The following AFF1 variants were observed in gnomAD, a reference collection of about 807,000 sequenced individuals.
AFF1 encodes the protein AF4/FMR2 family member 1.
A neutral mutation model predicts 121.7 loss-of-function variants in AFF1; 48 were observed. The observed-to-expected ratio is 0.39, with a 90% CI of 0.31 to 0.50. The LOEUF is 0.50. AFF1 is among the 20% of genes least tolerant of loss of function. The probability of loss-of-function intolerance (pLI) is 0.76; values close to 1 mark genes in which losing one functional copy is unlikely to be tolerated. For missense variants in AFF1, 1,523 were observed against 1,511.7 expected, an observed-to-expected ratio of 1.01 and a Z score of -0.12; for synonymous variants, 613 against 563.0, an observed-to-expected ratio of 1.09 and a Z score of -1.26.
chr4:87,135,872 G>A lies in AFF1; in HGVS notation c.*171G>A, dbSNP rs2149808525. ...CTCAACAACAGTGTGATCATTGGTTGGACACTGTGGTTATGCAGAAGCAGA... is the reference window on the plus strand; with the variant it reads ...CTCAACAACAGTGTGATCATTGGTTAGACACTGTGGTTATGCAGAAGCAGA... On this transcript the variant is annotated 3_prime_UTR_variant, in exon 21 of 21. Coordinates refer to ENST00000395146, the MANE Select transcript of AFF1 (RefSeq NM_001166693.3). 1 of 1,060,318 alleles carries A rather than the reference G, an allele frequency of 9.4e-7. No individual in the cohort carries two copies. The highest frequency in any genetic ancestry group is 2.9e-5 in the East Asian group (1 of 35,018). 65.7% of individuals were successfully genotyped at this position (1,060,318 alleles called of 1,614,324 possible).
chr4:87,104,001 C>T (rs1725674188), intron 8 of AFF1, among the ~76,000 whole-genome samples: 1 of 152,188 alleles, frequency 6.6e-6, no homozygotes, highest in South Asian at 2.1e-4. Flanking sequence ...TTGTGTATAA[C>T]TCAGCCCAGC....
intron 2 of AFF1, among the ~76,000 whole-genome samples, chr4:87,042,756 C>A (rs1730287000): frequency 1.3e-5 from 2 of 152,298 alleles, no homozygotes; most frequent in South Asian, 4.1e-4. Flanking sequence ...AGGATTTCCT[C>A]CCTGTGGGAG....
chr4:87,068,257 G>GCCCCCCCCCCCC (rs70957204), intron 4 of AFF1, among the ~76,000 whole-genome samples: 12 of 120,126 alleles, frequency 1.0e-4, no homozygotes, highest in Admixed American at 1.8e-4. Context: ...CATGAAAATT[G>GCCCCCCCCCCCC]CCCCCCCCCC....
chr4:87,045,826 A>C (rs1730631689), intron 2 of AFF1, among the ~76,000 whole-genome samples: 1 of 152,090 alleles, frequency 6.6e-6, no homozygotes, highest in Non-Finnish European at 1.5e-5. Context: ...ATATTTTGCA[A>C]GCTGAAAATA....
intron 8 of AFF1, among the ~76,000 whole-genome samples, chr4:87,098,213 G>A (rs552422185): frequency 2.6e-5 from 4 of 152,306 alleles, no homozygotes; most frequent in East Asian, 1.9e-4. Flanking sequence ...GGGTAGCAAC[G>A]TGGTAGAAGG....
chr4:86,999,304 A>G (rs746005871), intron 2 of AFF1, among the ~76,000 whole-genome samples: 5 of 152,202 alleles, frequency 3.3e-5, no homozygotes, highest in Admixed American at 6.5e-5. Context: ...TTCCCAAGGA[A>G]GGAACTAACT....
intron 8 of AFF1, among the ~76,000 whole-genome samples, chr4:87,097,858 G>C (rs951318400): frequency 6.6e-6 from 1 of 152,208 alleles, no homozygotes. Flanking sequence ...GCAAATTGCA[G>C]TTGTTTCAGA....
intron 2 of AFF1, among the ~76,000 whole-genome samples, chr4:87,028,968 G>A (rs1728803071): frequency 6.6e-6 from 1 of 152,136 alleles, no homozygotes; most frequent in South Asian, 2.1e-4. Flanking sequence ...TTCATGGCCA[G>A]GGCTCTCAAA....
intron 2 of AFF1, among the ~76,000 whole-genome samples, chr4:86,980,274 T>G (rs1484077775): frequency 6.6e-6 from 1 of 152,190 alleles, no homozygotes; most frequent in Non-Finnish European, 1.5e-5. Flanking sequence ...AGTCTATTCA[T>G]TACAAACTAT....
intron 4 of AFF1, among the ~76,000 whole-genome samples, chr4:87,066,738 T>G (rs1721387963): frequency 6.6e-6 from 1 of 152,198 alleles, no homozygotes. Flanking sequence ...ATGGCTTGAC[T>G]TGAGGGGTAT....
intron 2 of AFF1, among the ~76,000 whole-genome samples, chr4:87,041,624 C>A (rs184862154): frequency 6.6e-6 from 1 of 152,014 alleles, no homozygotes; most frequent in African/African-American, 2.4e-5. Context: ...GAAAGAATGG[C>A]CAGGCTGATG....
chr4:87,046,431 G>C (rs1730702184), intron 3 of AFF1, 145 bp downstream of exon 3: 1 of 1,308,088 alleles, frequency 7.6e-7, no homozygotes, highest in Admixed American at 2.5e-5. Context: ...AGAGATTTTT[G>C]AAAACAAAGT....
chr4:87,131,852 T>G lies in AFF1; in HGVS notation c.3161T>G (p.Phe1054Cys). Residue 1054 changes from phenylalanine (F) to cysteine (C), a missense_variant, in exon 18 of 21, where the codon TTT (phenylalanine) becomes TGT (cysteine). By Grantham distance (205) the Phe-to-Cys change is radical. Around this residue, in one of 5 missense-constraint regions of AFF1, gnomAD observed 241 missense variants for 265.2 expected, o/e 0.91. Coordinates refer to ENST00000395146, the MANE Select transcript of AFF1 (RefSeq NM_001166693.3). ...DATAPTQEKIFAVLCMRCQSI... is the reference protein window; with the variant it reads ...DATAPTQEKICAVLCMRCQSI... ...ACAGCGCCAACACAAGAGAAAATAT[T>G]TGCTGTTTTATGGTGCGTATTTTCC... 1 of 1,589,426 alleles carries G rather than the reference T, an allele frequency of 6.3e-7. No individual in the cohort carries two copies. The highest frequency in any genetic ancestry group is 8.5e-7 in the Non-Finnish European group (1 of 1,173,292).
intron 4 of AFF1, among the ~76,000 whole-genome samples, chr4:87,071,076 T>C (rs1721992548): frequency 6.6e-6 from 1 of 152,238 alleles, no homozygotes. Context: ...TTTGGCTGTT[T>C]TTAGTAAGAA....
At chr4:86,999,482 T>C (rs531324107) in intron 2 of AFF1, among the ~76,000 whole-genome samples, 8 of 152,344 alleles carry the variant, frequency 5.3e-5, no homozygotes, top group South Asian at 2.1e-4. Context: ...GAGGATCTTA[T>C]TGTGTAGACA....
At chr4:87,127,177 C>CCCCCCCG (rs1560657684) in intron 15 of AFF1, 60 bp downstream of exon 15, 1 of 1,299,128 alleles carries the variant, frequency 7.7e-7, no homozygotes, top group African/African-American at 1.7e-5. Flanking sequence ...CCCCCCCCCA[C>CCCCCCCG]CAAGATAGAG....
intron 5 of AFF1, among the ~76,000 whole-genome samples, chr4:87,088,039 C>T (rs1322850787): frequency 6.6e-6 from 1 of 152,152 alleles, no homozygotes; most frequent in East Asian, 1.9e-4. Context: ...AGTATTCATT[C>T]AGTACGGTAC....
At chr4:87,011,779 C>T (rs548888179) in intron 2 of AFF1, among the ~76,000 whole-genome samples, 1 of 152,260 alleles carries the variant, frequency 6.6e-6, no homozygotes, top group South Asian at 2.1e-4. Flanking sequence ...CCCAGTTGAG[C>T]TTCCTGACTC....
chr4:87,033,657 T>TA (rs140055738), intron 2 of AFF1, among the ~76,000 whole-genome samples: 8 of 152,238 alleles, frequency 5.3e-5, no homozygotes, highest in Admixed American at 5.2e-4. Context: ...AGGTGCCTTT[T>TA]AAAATCACCT....
Sources: allele counts gnomAD v4.1 joint callset (sites outside exome capture counted in the v4.1 genomes callset), GRCh38; gene constraint gnomAD v4.1.1; regional missense constraint gnomAD v4.1.1; transcripts MANE v1.5; gene names NCBI Gene and HGNC (gene_info 2026-07-23, HGNC 2026-07-21).